The following RALGPS1 variants were observed in gnomAD, a reference collection of about 807,000 sequenced individuals.
The protein encoded by RALGPS1 is Ral GEF with PH domain and SH3 binding motif 1, also known as ras-specific guanine nucleotide-releasing factor RalGPS1.
RALGPS1 carries 19 observed loss-of-function variants against 78.8 expected under a neutral mutation model. That is an observed-to-expected ratio of 0.24 (90% confidence interval 0.17 to 0.35). The LOEUF is 0.35. Among genes scored for constraint, RALGPS1 ranks in the 10% least tolerant of loss-of-function variants. The pLI, the probability that RALGPS1 is intolerant of heterozygous loss-of-function variation, is 1.00. For missense variants in RALGPS1, 454 were observed against 688.3 expected, an observed-to-expected ratio of 0.66 and a Z score of 3.81; for synonymous variants, 228 against 256.3, an observed-to-expected ratio of 0.89 and a Z score of 1.06.
At chr9:127,117,621 T>C (rs1361640285) in intron 8 of RALGPS1, among the ~76,000 whole-genome samples, 1 of 152,218 alleles carries the variant, frequency 6.6e-6, no homozygotes, top group Non-Finnish European at 1.5e-5. Context: ...AGCCCTTGGC[T>C]GGACAACAGA....
chr9:126,941,166 T>TTG (rs142027838), intron 1 of RALGPS1, among the ~76,000 whole-genome samples: 1 of 149,268 alleles, frequency 6.7e-6, no homozygotes, highest in Non-Finnish European at 1.5e-5. Context: ...CGTCTAGTTG[T>TTG]GGGGGGGGGT....
Position 126,951,394 on chromosome 9 carries a change from A to G in RALGPS1, c.-65-10831A>G, listed in dbSNP as rs539804710. Among the ~76,000 whole-genome samples, 495 of 151,500 alleles carry G rather than the reference A, an allele frequency of 3.3e-3. 3 individuals are homozygous for G. The highest frequency in any genetic ancestry group is 0.011 in the African/African-American group (467 of 41,488). Reference sequence around the variant, plus strand: ...AGAGAATTTTAGACCAATATCCTTGATGAACATCGATGCAAAAATCCTCAA... The same window carrying G: ...AGAGAATTTTAGACCAATATCCTTGGTGAACATCGATGCAAAAATCCTCAA... On this transcript the variant is annotated intron_variant, in intron 1 of 18. Coordinates refer to ENST00000259351, the MANE Select transcript of RALGPS1 (RefSeq NM_014636.3).
intron 8 of RALGPS1, among the ~76,000 whole-genome samples, chr9:127,133,472 G>A (rs920476730): frequency 2.0e-5 from 3 of 152,250 alleles, no homozygotes; most frequent in African/African-American, 4.8e-5. Context: ...CTGCAGAGCC[G>A]CCTTTGCCTG....
chr9:127,216,886 A>G (rs1385146704), intron 18 of RALGPS1: 3 of 1,525,550 alleles, frequency 2.0e-6, no homozygotes, highest in East Asian at 5.0e-5. Context: ...AGCACACTGA[A>G]GCTCCCCTAC....
chr9:126,960,069 A>G (rs1334097707), intron 1 of RALGPS1, among the ~76,000 whole-genome samples: 3 of 152,232 alleles, frequency 2.0e-5, no homozygotes, highest in Admixed American at 2.0e-4. Flanking sequence ...GAGAAGAGTC[A>G]TTGTCAGCAC....
intron 4 of RALGPS1, among the ~76,000 whole-genome samples, chr9:126,982,834 C>CT (rs2132877021): frequency 7.4e-6 from 1 of 135,522 alleles, no homozygotes; most frequent in South Asian, 2.4e-4. Flanking sequence ...TCTTCCTCTT[C>CT]TTCTTCCTTC....
intron 5 of RALGPS1, among the ~76,000 whole-genome samples, chr9:127,041,323 C>T (rs1332243591): frequency 6.6e-6 from 1 of 152,084 alleles, no homozygotes; most frequent in Non-Finnish European, 1.5e-5. Context: ...AACTCCTGAC[C>T]TCGTGATCTG....
chr9:127,167,931 G>C (rs576462820), intron 9 of RALGPS1, among the ~76,000 whole-genome samples: 1 of 152,204 alleles, frequency 6.6e-6, no homozygotes, highest in East Asian at 1.9e-4. Context: ...CTCCAGAAAC[G>C]GGCAACACCG....
At chr9:127,141,172 C>G (rs2057748901) in intron 8 of RALGPS1, among the ~76,000 whole-genome samples, 1 of 151,976 alleles carries the variant, frequency 6.6e-6, no homozygotes, top group Non-Finnish European at 1.5e-5. Context: ...GAGACCGATG[C>G]AAAGATAGGG....
intron 8 of RALGPS1, among the ~76,000 whole-genome samples, chr9:127,082,637 T>G (rs113200368): frequency 1.3e-5 from 2 of 152,156 alleles, no homozygotes; most frequent in Admixed American, 6.5e-5. Context: ...TCAGACTGAC[T>G]CGAGTTCACA....
At chr9:126,956,245 A>AG (rs1491540425) in intron 1 of RALGPS1, among the ~76,000 whole-genome samples, 34 of 104,586 alleles carry the variant, frequency 3.3e-4, no homozygotes, top group Middle Eastern at 0.01. Flanking sequence ...AGCTGTTCTC[A>AG]GGGCGGGGCT....
chr9:127,088,764 C>T (rs2136315389), intron 8 of RALGPS1: 2 of 713,368 alleles, frequency 2.8e-6, no homozygotes, highest in East Asian at 2.7e-5. Flanking sequence ...GGACAGAAAA[C>T]ACCGTATCGA....
intron 11 of RALGPS1, among the ~76,000 whole-genome samples, chr9:127,176,052 G>T (rs577858996): frequency 5.8e-4 from 88 of 152,216 alleles, no homozygotes; most frequent in African/African-American, 2.1e-3. Context: ...TCTCCTGGCT[G>T]CATTGGACAA....
At chr9:127,209,500 A>G (rs1283475117) in intron 14 of RALGPS1, among the ~76,000 whole-genome samples, 19 of 152,138 alleles carry the variant, frequency 1.2e-4, no homozygotes, top group Non-Finnish European at 4.4e-5. Flanking sequence ...ACAGCTCAGT[A>G]TGGGTGGTGG....
chr9:127,102,710 C>T (rs2053856301), intron 8 of RALGPS1, among the ~76,000 whole-genome samples: 1 of 152,132 alleles, frequency 6.6e-6, no homozygotes. Context: ...GAAAGCAAAG[C>T]AATAAGGGAG....
At chr9:127,181,584 TG>T (rs2060225881) in intron 11 of RALGPS1, among the ~76,000 whole-genome samples, 1 of 152,242 alleles carries the variant, frequency 6.6e-6, no homozygotes, top group African/African-American at 2.4e-5. Context: ...TGTCCCCAGT[TG>T]GTCCTCAGAA....
intron 11 of RALGPS1, among the ~76,000 whole-genome samples, chr9:127,192,579 G>A (rs1220713087): frequency 6.6e-6 from 1 of 152,166 alleles, no homozygotes; most frequent in African/African-American, 2.4e-5. Flanking sequence ...GAGCTGGTGA[G>A]CCGGGGAGGT....
At chr9:126,983,581 C>T (rs970050574) in intron 4 of RALGPS1, among the ~76,000 whole-genome samples, 2 of 152,126 alleles carry the variant, frequency 1.3e-5, no homozygotes, top group Non-Finnish European at 1.5e-5. Context: ...CCCCAATTGT[C>T]TCAAAAACAA....
chr9:127,180,306 C>T lies in RALGPS1; in HGVS notation c.910+5524C>T, dbSNP rs79724713. On this transcript the variant is annotated intron_variant, in intron 11 of 18. Coordinates refer to ENST00000259351, the MANE Select transcript of RALGPS1 (RefSeq NM_014636.3). ...CTCAGAAGATTCCTGGGCAGCACCG[C>T]GAGTCCAGGAAAATCTTCAGCCTTG... Among the ~76,000 whole-genome samples, 926 of 152,278 alleles carry T rather than the reference C, an allele frequency of 6.1e-3. 16 individuals carry two copies. Among genetic ancestry groups the T allele is most frequent in the African/African-American group, 0.021 (870 of 41,544 alleles).
Sources: allele counts gnomAD v4.1 joint callset (sites outside exome capture counted in the v4.1 genomes callset), GRCh38; gene constraint gnomAD v4.1.1; transcripts MANE v1.5; gene names NCBI Gene and HGNC (gene_info 2026-07-23, HGNC 2026-07-21).